Variants in GALNTL6 observed in about 807,000 individuals in gnomAD.
The protein encoded by GALNTL6 is polypeptide N-acetylgalactosaminyltransferase like 6.
A neutral mutation model predicts 73.7 loss-of-function variants in GALNTL6; 46 were observed. The observed-to-expected ratio is 0.62, with a 90% CI of 0.49 to 0.80. GALNTL6 has a LOEUF of 0.80. Ranked by LOEUF, GALNTL6 falls within the 30% of genes least tolerant of loss-of-function variation. The pLI, the probability that GALNTL6 is intolerant of heterozygous loss-of-function variation, is 0.00. For missense variants in GALNTL6, 604 were observed against 755.0 expected (o/e 0.80, Z 2.34); for synonymous variants, 259 against 263.7 (o/e 0.98, Z 0.17).
intron 5 of GALNTL6, among the ~76,000 whole-genome samples, chr4:172,482,732 T>C (rs1192941269): frequency 6.6e-6 from 1 of 152,230 alleles, no homozygotes; most frequent in Non-Finnish European, 1.5e-5. Flanking sequence ...AGGAAATACT[T>C]CTTTATTTGG....
intron 3 of GALNTL6, among the ~76,000 whole-genome samples, chr4:172,238,163 T>C (rs1737302115): frequency 6.6e-6 from 1 of 152,188 alleles, no homozygotes; most frequent in South Asian, 2.1e-4. Flanking sequence ...TCAATAGAAA[T>C]AGCATTGAAT....
intron 5 of GALNTL6, among the ~76,000 whole-genome samples, chr4:172,416,642 A>G (rs1730847349): frequency 6.6e-6 from 1 of 152,190 alleles, no homozygotes; most frequent in South Asian, 2.1e-4. Flanking sequence ...GAGGATTTTA[A>G]TTCATATTAG....
At chr4:172,958,624 C>CATGATCG (rs1218061261) in intron 10 of GALNTL6, among the ~76,000 whole-genome samples, 1 of 152,178 alleles carries the variant, frequency 6.6e-6, no homozygotes, top group African/African-American at 2.4e-5. Context: ...ATCAGTCAGA[C>CATGATCG]ATGATCGGCA....
At chr4:172,502,725 T>TAA (rs1734304552) in intron 5 of GALNTL6, among the ~76,000 whole-genome samples, 1 of 152,252 alleles carries the variant, frequency 6.6e-6, no homozygotes, top group Non-Finnish European at 1.5e-5. Context: ...ATTGAGCACT[T>TAA]ACACTGTATT....
intron 2 of GALNTL6, among the ~76,000 whole-genome samples, chr4:172,204,432 G>T (rs1485099810): frequency 6.6e-6 from 1 of 151,960 alleles, no homozygotes; most frequent in Non-Finnish European, 1.5e-5. Flanking sequence ...AGAACACAGT[G>T]GTCTCCTTCA....
intron 5 of GALNTL6, among the ~76,000 whole-genome samples, chr4:172,564,313 TAA>T (rs1736482977): frequency 6.6e-6 from 1 of 152,212 alleles, no homozygotes. Flanking sequence ...GGTTGAGATA[TAA>T]ATAGCTTATA....
rs557466283 is a variant in GALNTL6, at chr4:171,948,217, C to T, written c.138+133499C>T. ...GAATGGCACAGAGCCTCTTTATTTC[C>T]CTTGAAGCTGTCAGAGTCAGAGAAG... On this transcript the variant is annotated intron_variant, in intron 2 of 12. Coordinates refer to ENST00000506823, the MANE Select transcript of GALNTL6 (RefSeq NM_001034845.3). Among the ~76,000 whole-genome samples the T allele has an allele frequency of 1.2e-3, 190 of 152,072 alleles. 2 individuals are homozygous for T. The highest frequency in any genetic ancestry group is 4.5e-3 in the African/African-American group (186 of 41,500).
chr4:172,189,387 C>G (rs1735505327), intron 2 of GALNTL6, among the ~76,000 whole-genome samples: 1 of 152,164 alleles, frequency 6.6e-6, no homozygotes, highest in Non-Finnish European at 1.5e-5. Context: ...AAGGCCAATT[C>G]CTTGTATTTT....
chr4:172,722,135 G>C (rs949553024), intron 5 of GALNTL6, among the ~76,000 whole-genome samples: 2 of 151,336 alleles, frequency 1.3e-5, no homozygotes, highest in Non-Finnish European at 2.9e-5. Context: ...CCCCAGTTGT[G>C]TTAGAAATCT....
At chr4:171,967,173 T>TA (rs1364020035) in intron 2 of GALNTL6, among the ~76,000 whole-genome samples, 1 of 152,320 alleles carries the variant, frequency 6.6e-6, no homozygotes, top group East Asian at 1.9e-4. Flanking sequence ...TACCGTATTG[T>TA]AAAATGTGTT....
At chr4:172,013,802 C>G (rs1412478789) in intron 2 of GALNTL6, among the ~76,000 whole-genome samples, 1 of 151,942 alleles carries the variant, frequency 6.6e-6, no homozygotes, top group Non-Finnish European at 1.5e-5. Context: ...AGGTCTTATT[C>G]ATTCTTCTAA....
At chr4:172,650,198 G>A (rs926463996) in intron 5 of GALNTL6, among the ~76,000 whole-genome samples, 3 of 152,142 alleles carry the variant, frequency 2.0e-5, no homozygotes, top group Non-Finnish European at 2.9e-5. Context: ...GTCAGGAGTG[G>A]GTCGCCCTCT....
At chr4:172,170,613 A>T (rs925905788) in intron 2 of GALNTL6, among the ~76,000 whole-genome samples, 2 of 151,114 alleles carry the variant, frequency 1.3e-5, no homozygotes, top group South Asian at 4.2e-4. Context: ...TCCGAGTTCA[A>T]GTTATTCTGG....
rs115917089 is a variant in GALNTL6, at chr4:172,464,403, T to C, written c.553+115714T>C. On this transcript the variant is annotated intron_variant, in intron 5 of 12. Coordinates refer to ENST00000506823, the MANE Select transcript of GALNTL6 (RefSeq NM_001034845.3). ...TGATAAAGACCTAGAAATTTTAATA[T>C]GGTCATAATTCAAGCCGAATGAGGC... 9.2e-3 allele frequency among the ~76,000 whole-genome samples: 1,397 copies of C among 152,150 alleles called. 29 individuals are homozygous for C. The highest frequency in any genetic ancestry group is 0.032 in the African/African-American group (1,319 of 41,490).
At chr4:172,181,110 T>C (rs1246911685) in intron 2 of GALNTL6, among the ~76,000 whole-genome samples, 2 of 152,188 alleles carry the variant, frequency 1.3e-5, no homozygotes, top group African/African-American at 4.8e-5. Context: ...CCTCCCTAAA[T>C]CATTTTATGA....
At chr4:172,630,206 C>T (rs1399442621) in intron 5 of GALNTL6, among the ~76,000 whole-genome samples, 1 of 152,096 alleles carries the variant, frequency 6.6e-6, no homozygotes, top group Non-Finnish European at 1.5e-5. Context: ...AAAGAGAAAA[C>T]ATAACCATTA....
intron 2 of GALNTL6, among the ~76,000 whole-genome samples, chr4:172,059,884 G>C (rs1446686586): frequency 6.6e-6 from 1 of 152,086 alleles, no homozygotes; most frequent in Non-Finnish European, 1.5e-5. Flanking sequence ...ATCAAAGTGA[G>C]AGCCAGTTGC....
chr4:172,343,879 G>A (rs1481123295), intron 4 of GALNTL6, among the ~76,000 whole-genome samples: 1 of 151,706 alleles, frequency 6.6e-6, no homozygotes, highest in Non-Finnish European at 1.5e-5. Context: ...TCTTCTTGGT[G>A]CTTTTAAAAT....
chr4:172,845,072 G>T (rs1484450088), intron 7 of GALNTL6, among the ~76,000 whole-genome samples: 1 of 151,910 alleles, frequency 6.6e-6, no homozygotes, highest in Non-Finnish European at 1.5e-5. Context: ...ACAAAAATTA[G>T]CTGGGCGTGG....
Sources: allele counts gnomAD v4.1 joint callset (sites outside exome capture counted in the v4.1 genomes callset), GRCh38; gene constraint gnomAD v4.1.1; transcripts MANE v1.5; gene names NCBI Gene and HGNC (gene_info 2026-07-23, HGNC 2026-07-21).